The following CFAP210 variants were observed in gnomAD, a reference collection of about 807,000 sequenced individuals.
CFAP210 encodes the protein cilia- and flagella- associated protein 210.
chr2:169,646,533 C>G, the CFAP210 span, among the ~76,000 whole-genome samples: 99 of 152,320 alleles, frequency 6.5e-4, no homozygotes, highest in Non-Finnish European at 1.3e-3. Flanking sequence ...ACCATTGTCT[C>G]TAACCATCCA....
chr2:169,688,526 T>C, the CFAP210 span, among the ~76,000 whole-genome samples: 1 of 152,220 alleles, frequency 6.6e-6, no homozygotes, highest in African/African-American at 2.4e-5. Context: ...TCTTGAATGC[T>C]TTGCTGCTTA....
the CFAP210 span, among the ~76,000 whole-genome samples, chr2:169,683,883 C>T: frequency 1.3e-5 from 2 of 152,166 alleles, no homozygotes; most frequent in Non-Finnish European, 2.9e-5. Flanking sequence ...AAAAAGCCCA[C>T]AGAAAGCTTG....
the CFAP210 span, chr2:169,650,414 T>G: frequency 2.4e-5 from 39 of 1,607,932 alleles, no homozygotes; most frequent in African/African-American, 4.7e-4. Context: ...CCATTCAGCC[T>G]CAGCTTCTGC....
At chr2:169,670,781 G>C in the CFAP210 span, among the ~76,000 whole-genome samples, 5,382 of 152,172 alleles carry the variant, frequency 0.035, 341 homozygotes, top group African/African-American at 0.12. Context: ...AAGCCACATT[G>C]CCTTTAGTAT....
the CFAP210 span, among the ~76,000 whole-genome samples, chr2:169,672,363 T>C: frequency 6.6e-6 from 1 of 152,204 alleles, no homozygotes; most frequent in Non-Finnish European, 1.5e-5. Context: ...AGGGTGTGTG[T>C]GTATGTGTGA....
chr2:169,674,949 T>C, the CFAP210 span: 2 of 1,545,498 alleles, frequency 1.3e-6, no homozygotes, highest in South Asian at 1.2e-5. Context: ...TCCTTGTTTG[T>C]ATATTTCTTC....
chr2:169,677,995 C>T, the CFAP210 span, among the ~76,000 whole-genome samples: 1 of 152,000 alleles, frequency 6.6e-6, no homozygotes, highest in Non-Finnish European at 1.5e-5. Flanking sequence ...ATAAATCCAA[C>T]GAAAGATGTA....
the CFAP210 span, among the ~76,000 whole-genome samples, chr2:169,689,928 T>C: frequency 3.9e-5 from 6 of 152,352 alleles, no homozygotes; most frequent in South Asian, 1.2e-3. Context: ...TTGGGATAAA[T>C]ACCACTTGGT....
the CFAP210 span, among the ~76,000 whole-genome samples, chr2:169,692,709 C>T: frequency 6.6e-6 from 1 of 152,156 alleles, no homozygotes; most frequent in Non-Finnish European, 1.5e-5. Flanking sequence ...GACAAACATA[C>T]TTGGTGAGTT....
the CFAP210 span, among the ~76,000 whole-genome samples, chr2:169,664,986 G>A: frequency 6.6e-6 from 1 of 152,310 alleles, no homozygotes; most frequent in South Asian, 2.1e-4. Context: ...AGAAAACTTG[G>A]TAGAAAGTAT....
chr2:169,654,126 G>A, the CFAP210 span: 1 of 1,606,464 alleles, frequency 6.2e-7, no homozygotes, highest in Admixed American at 1.7e-5. Flanking sequence ...ACGCTTTTTT[G>A]CTTTGATGAA....
the CFAP210 span, among the ~76,000 whole-genome samples, chr2:169,667,480 GA>G: frequency 6.6e-6 from 1 of 152,074 alleles, no homozygotes; most frequent in Non-Finnish European, 1.5e-5. Context: ...ATCCTTTCCA[GA>G]AGGTTTTCAA....
the CFAP210 span, among the ~76,000 whole-genome samples, chr2:169,683,868 G>GA: frequency 3.3e-5 from 5 of 150,546 alleles, no homozygotes; most frequent in Admixed American, 6.6e-5. Flanking sequence ...TAACCACAAA[G>GA]AAAAAAAAAG....
At chr2:169,650,158 CTTTG>C in the CFAP210 span, among the ~76,000 whole-genome samples, 10 of 152,142 alleles carry the variant, frequency 6.6e-5, no homozygotes, top group African/African-American at 2.4e-4. Flanking sequence ...GTCGTGTCAT[CTTTG>C]TTAGGAAGTA....
At chr2:169,694,146 C>G in the CFAP210 span, 1 of 974,788 alleles carries the variant, frequency 1.0e-6, no homozygotes, top group Admixed American at 2.0e-5. Context: ...TGCTTTCGAC[C>G]TGGTGGAGTC....
chr2:169,647,302 CAGAA>C, the CFAP210 span, among the ~76,000 whole-genome samples: 3 of 151,702 alleles, frequency 2.0e-5, no homozygotes, highest in African/African-American at 7.3e-5. Flanking sequence ...ATTGAGGGAA[CAGAA>C]AGAACCACTT....
the CFAP210 span, among the ~76,000 whole-genome samples, chr2:169,686,158 T>A: frequency 2.6e-5 from 4 of 152,230 alleles, no homozygotes; most frequent in Non-Finnish European, 5.9e-5. Flanking sequence ...TAGCTGGGAC[T>A]ATAGGTGCAC....
the CFAP210 span, chr2:169,648,030 C>T: frequency 6.2e-6 from 1 of 160,140 alleles, no homozygotes; most frequent in East Asian, 1.8e-4. Flanking sequence ...GTGGTGGGCA[C>T]CTGTAATCCC....
chr2:169,660,768 T>C, the CFAP210 span: 1 of 233,012 alleles, frequency 4.3e-6, no homozygotes, highest in African/African-American at 2.3e-5. Context: ...TGCCTGGCTA[T>C]TTTTTGTATT....
Sources: gnomAD v4.1 joint callset for allele counts (sites outside exome capture counted in the v4.1 genomes callset) on GRCh38, gnomAD v4.1.1 for gene constraint, MANE v1.5 for transcripts, NCBI Gene and HGNC (gene_info 2026-07-23, HGNC 2026-07-21) for gene names.